TMEM94: variants seen among roughly 807,000 people sequenced by gnomAD.
TMEM94 encodes the protein ER Mg2+ ATPase.
In TMEM94, 81 loss-of-function variants were observed where a neutral mutation model predicts 158.6. The ratio of observed to expected loss-of-function variants is 0.51; its 90% confidence interval spans 0.43 to 0.61. The LOEUF is 0.61. Ranked by LOEUF, TMEM94 falls within the 20% of genes least tolerant of loss-of-function variation. The probability of loss-of-function intolerance (pLI) is 0.00; values close to 1 mark genes in which losing one functional copy is unlikely to be tolerated. For synonymous variants in TMEM94, 751 were observed against 730.7 expected, an observed-to-expected ratio of 1.03 and a Z score of -0.45; for missense variants, 1,435 against 1,762.0, an observed-to-expected ratio of 0.81 and a Z score of 3.32.
chr17:75,477,701 G>A (rs1419743453), intron 2 of TMEM94, among the ~76,000 whole-genome samples: 4 of 152,082 alleles, frequency 2.6e-5, no homozygotes, highest in African/African-American at 9.7e-5. Context: ...CCAGAACGTC[G>A]TGCAGGAGCT....
chr17:75,476,637 G>C, intron 2 of TMEM94: 1 of 1,533,122 alleles, frequency 6.5e-7, no homozygotes, highest in South Asian at 1.2e-5. Flanking sequence ...CCCGCTTTGA[G>C]GGAGGTGTTG....
rs749192662 is a variant in TMEM94, at chr17:75,493,019, C to T, written c.2003C>T (p.Ser668Leu). The change falls in exon 16 of 32, where the codon TCG (serine) becomes TTG (leucine). Residue 668 changes from serine (S) to leucine (L), a missense_variant. Physicochemically the swap from Ser to Leu is moderately radical, Grantham distance 145. Transcript: ENST00000314256. ...LPSAETMKET[S>L]LGRLSCVTKR... ...AGTGCCGAGACAATGAAGGAGACAT[C>T]GCTGGGGCGGCTCTCCTGTGTCACC... 6.2e-6 allele frequency: 10 copies of T among 1,613,752 alleles called. No homozygotes were observed. The highest frequency in any genetic ancestry group is 1.3e-5 in the African/African-American group (1 of 75,084).
At position 75,499,396 on chromosome 17, in the gene TMEM94, G is replaced by T; in HGVS notation, c.*62G>T. 6.8e-7 allele frequency: 1 copy of T among 1,468,644 alleles called. No homozygotes were observed. Among genetic ancestry groups the T allele is most frequent in the South Asian group, 1.1e-5 (1 of 87,654 alleles). The allele number at this position is 1,468,644 out of a possible 1,614,324, so 91.0% of individuals were successfully genotyped here. A position where few individuals can be genotyped will look rare whatever the true frequency, so the allele number is the denominator to read the frequency against. On this transcript the variant is annotated 3_prime_UTR_variant, in exon 32 of 32. Transcript: ENST00000314256. ...TGGGGCTAAAGCCAGACCCATTTCT[G>T]AACAGGGGAGTTTGTATCATGAATG...
rs754445242 is a variant in TMEM94, at chr17:75,488,679, C to G, written c.613-80C>G. 251 of 1,542,208 alleles carry G rather than the reference C, an allele frequency of 1.6e-4. 1 individual carries two copies. The highest frequency in any genetic ancestry group is 2.1e-4 in the Non-Finnish European group (238 of 1,124,738). On this transcript the variant is annotated intron_variant, in intron 6 of 31. Transcript: ENST00000314256. Reference sequence around the variant, plus strand: ...GATGGCTCCTAACCCCAGCGAATGTCTGTACTTAGATGAATTGTCCAGGAA... The same window carrying G: ...GATGGCTCCTAACCCCAGCGAATGTGTGTACTTAGATGAATTGTCCAGGAA...
Position 75,489,849 on chromosome 17 carries a change from G to A in TMEM94, c.954+187G>A, listed in dbSNP as rs371104344. 3.6e-5 allele frequency: 22 copies of A among 618,078 alleles called. 1 individual carries two copies. The highest frequency in any genetic ancestry group is 1.8e-4 in the African/African-American group (10 of 54,452). 38.3% of individuals were successfully genotyped at this position (618,078 alleles called of 1,614,324 possible). The stretch of plus-strand genomic sequence containing the variant: ...TAATCCAAGCACTTTGGGAGGCCAC[G>A]GCAGGCAGATCATGAGGTCAAGAGA... On this transcript the variant is annotated intron_variant, in intron 9 of 31. Transcript: ENST00000314256. This position sits in a 1 kb window ranked among gnomAD's most constrained non-coding sequence, Gnocchi z 5.0.
intron 1 of TMEM94, among the ~76,000 whole-genome samples, chr17:75,460,483 G>C (rs983635364): frequency 6.6e-6 from 1 of 151,630 alleles, no homozygotes; most frequent in African/African-American, 2.4e-5. Context: ...ATAAGGCAGA[G>C]CCTATTGCAA....
chr17:75,465,679 A>ATATATATATATATTTTTTTTTT (rs1247855961), intron 1 of TMEM94, among the ~76,000 whole-genome samples: 4 of 124,846 alleles, frequency 3.2e-5, no homozygotes, highest in Admixed American at 2.5e-4. Context: ...ATATATATAT[A>ATATATATATATATTTTTTTTTT]TTTTTTTTTA....
At chr17:75,459,561 T>G (rs1296761021) in intron 1 of TMEM94, 1 of 152,280 alleles carries the variant, frequency 6.6e-6, no homozygotes, top group Non-Finnish European at 1.5e-5. Context: ...CCTGCTGCTC[T>G]CTCCCTAAGT....
At chr17:75,488,530 C>T (rs2051831886) in intron 6 of TMEM94, among the ~76,000 whole-genome samples, 1 of 152,216 alleles carries the variant, frequency 6.6e-6, no homozygotes, top group Non-Finnish European at 1.5e-5. Flanking sequence ...GATCCACCTG[C>T]CTTGGCCTCC....
Position 75,498,002 on chromosome 17 carries a change from C to A in TMEM94, c.3489+140C>A. The A allele has an allele frequency of 8.6e-7, 1 of 1,167,684 alleles. No homozygotes were observed. The highest frequency in any genetic ancestry group is 1.5e-5 in the African/African-American group (1 of 65,762). The allele number at this position is 1,167,684 out of a possible 1,614,324, so 72.3% of individuals were successfully genotyped here. ...CGGCACTTGGTTCCTAGTCTTCCCC[C>A]AGATCAAAGAGGAGGTAGTGGCACA... is the stretch of plus-strand genomic sequence containing the variant. On this transcript the variant is annotated intron_variant, in intron 27 of 31. Transcript: ENST00000314256. This position sits in a 1 kb window ranked among gnomAD's most constrained non-coding sequence, Gnocchi z 6.7.
At chr17:75,466,838 T>A (rs1172777388) in intron 1 of TMEM94, among the ~76,000 whole-genome samples, 1 of 151,936 alleles carries the variant, frequency 6.6e-6, no homozygotes, top group Admixed American at 6.6e-5. Flanking sequence ...ATCTATAAAT[T>A]AGGGGATAAT....
At position 75,500,429 on chromosome 17, in the gene TMEM94, A is replaced by G. The variant is rs2053157337; in HGVS notation, c.*1095A>G. The G allele has an allele frequency of 6.5e-6, 1 of 152,724 alleles. No homozygotes were observed. The highest frequency in any genetic ancestry group is 1.5e-5 in the Non-Finnish European group (1 of 68,408). The allele number at this position is 152,724 out of a possible 1,614,324, so 9.5% of individuals were successfully genotyped here. ...CATTGTGTCCTCTCAGGCAGTTGATAGAATAAATTCCATTTAAAATATATG... is the reference window on the plus strand; with the variant it reads ...CATTGTGTCCTCTCAGGCAGTTGATGGAATAAATTCCATTTAAAATATATG... On this transcript the variant is annotated 3_prime_UTR_variant, in exon 32 of 32. Transcript: ENST00000314256.
intron 7 of TMEM94, 83 bp downstream of exon 7, chr17:75,488,993 C>T (rs757089384): frequency 9.1e-6 from 13 of 1,428,780 alleles, no homozygotes; most frequent in African/African-American, 1.4e-5. Context: ...GGGCCCCGTT[C>T]ATCTCGAGGT....
At position 75,495,419 on chromosome 17, in the gene TMEM94, C is replaced by T. The variant is rs771176489; in HGVS notation, c.2844+20C>T. 1.2e-6 allele frequency: 2 copies of T among 1,602,428 alleles called. No homozygotes were observed. The highest frequency in any genetic ancestry group is 2.2e-5 in the South Asian group (2 of 90,744). ...AACCGGGTACGATGGCAGGATCTGT[C>T]TCACGTGTTCCTGTAGTGGTCCCAT... On this transcript the variant is annotated intron_variant, in intron 21 of 31. Coordinates refer to ENST00000314256, the MANE Select transcript of TMEM94 (RefSeq NM_014738.6). This position sits in a 1 kb window ranked among gnomAD's most constrained non-coding sequence, Gnocchi z 5.6.
intron 1 of TMEM94, among the ~76,000 whole-genome samples, chr17:75,463,100 ATGTG>A (rs1432146652): frequency 2.4e-4 from 3 of 12,318 alleles, no homozygotes; most frequent in Admixed American, 8.6e-4. Context: ...ACACATATAT[ATGTG>A]TGTATATATA....
chr17:75,495,073 G>T lies in TMEM94; in HGVS notation c.2728+39G>T. 2 of 1,597,020 alleles carry T rather than the reference G, an allele frequency of 1.3e-6. No individual in the cohort carries two copies. The highest frequency in any genetic ancestry group is 2.2e-5 in the South Asian group (2 of 89,842). On this transcript the variant is annotated intron_variant, in intron 20 of 31. Transcript: ENST00000314256. This position sits in a 1 kb window ranked among gnomAD's most constrained non-coding sequence, Gnocchi z 5.6. ...CGTGGGGTGGGGACGGGGTGGCGGT[G>T]GGAGGATTCCCCTCCTCAGAGCCAC...
At position 75,492,799 on chromosome 17, in the gene TMEM94, C is replaced by T. The variant is rs776301379; in HGVS notation, c.1912+10C>T. On this transcript the variant is annotated intron_variant, in intron 15 of 31. Coordinates refer to ENST00000314256, the MANE Select transcript of TMEM94 (RefSeq NM_014738.6). The surrounding 1 kb of genome is among the most constrained non-coding windows in gnomAD (Gnocchi z 4.4). Reference sequence around the variant, plus strand: ...CTTGCCCGCCTCATTGGTACAGGTCCCCATGGCAGGGGATGGCTGGCTGGA... The same window carrying T: ...CTTGCCCGCCTCATTGGTACAGGTCTCCATGGCAGGGGATGGCTGGCTGGA... 3 of 1,596,214 alleles carry T rather than the reference C, an allele frequency of 1.9e-6. No homozygotes were observed. The highest frequency in any genetic ancestry group is 2.2e-5 in the South Asian group (2 of 90,216).
intron 2 of TMEM94, among the ~76,000 whole-genome samples, chr17:75,484,355 T>C (rs2051413051): frequency 6.6e-6 from 1 of 151,306 alleles, no homozygotes. Flanking sequence ...AAGGTTTTTT[T>C]CCTTCATGTC....
chr17:75,468,676 G>T (rs1015143935), intron 1 of TMEM94, among the ~76,000 whole-genome samples: 3 of 152,236 alleles, frequency 2.0e-5, no homozygotes, highest in Non-Finnish European at 2.9e-5. Flanking sequence ...AAGAGACGTG[G>T]TTGCTCAGCC....
Sources: allele counts gnomAD v4.1 joint callset (sites outside exome capture counted in the v4.1 genomes callset), GRCh38; gene constraint gnomAD v4.1.1; non-coding constraint Gnocchi (gnomAD v3.1); transcripts MANE v1.5; gene names NCBI Gene and HGNC (gene_info 2026-07-23, HGNC 2026-07-21).